The following CLSTN2 variants were observed in gnomAD, a reference collection of about 807,000 sequenced individuals.
CLSTN2 encodes calsyntenin 2.
Under a neutral mutation model 101.2 loss-of-function variants are expected in CLSTN2, and 48 were observed. The ratio of observed to expected loss-of-function variants is 0.47; its 90% CI spans 0.38 to 0.60. CLSTN2 has a LOEUF of 0.60. CLSTN2 is among the 20% of genes least tolerant of loss of function. The probability of loss-of-function intolerance (pLI) is 0.00; values close to 1 mark genes in which losing one functional copy is unlikely to be tolerated. For synonymous variants in CLSTN2, 481 were observed against 463.6 expected, an observed-to-expected ratio of 1.04 and a Z score of -0.48; for missense variants, 1,160 against 1,238.2, an observed-to-expected ratio of 0.94 and a Z score of 0.95.
rs1211350093 is a variant in CLSTN2, at chr3:139,935,390, C to T, written c.16C>T (p.Leu6=). ...TGCTGCGAGGATGCTGCCTGGGCGG[C>T]TGTGCTGGGTGCCGCTCCTGCTGGC... MLPGR[L]CWVPLLLALG... is the part of the protein sequence containing the mutation. The change falls in exon 1 of 17, where the codon CTG becomes TTG. Residue 6 remains leucine, a synonymous_variant. Coordinates refer to ENST00000458420, the MANE Select transcript of CLSTN2 (RefSeq NM_022131.3). The surrounding 1 kb of genome is among the most constrained non-coding windows in gnomAD (Gnocchi z 5.5). 2 of 1,229,836 alleles carry T rather than the reference C, an allele frequency of 1.6e-6. No homozygotes were observed. The highest frequency in any genetic ancestry group is 2.0e-6 in the Non-Finnish European group (2 of 986,430). The allele number at this position is 1,229,836 out of a possible 1,614,324, so 76.2% of individuals were successfully genotyped here. A position where few individuals can be genotyped will look rare whatever the true frequency, so the allele number is the denominator to read the frequency against.
intron 8 of CLSTN2, among the ~76,000 whole-genome samples, chr3:140,510,741 G>A (rs1042132205): frequency 3.3e-5 from 5 of 152,204 alleles, no homozygotes; most frequent in Non-Finnish European, 7.3e-5. Flanking sequence ...TGCCAGTTTG[G>A]AAGTGCAGGC....
chr3:140,183,181 T>G (rs1022014127), intron 2 of CLSTN2, among the ~76,000 whole-genome samples: 1 of 152,186 alleles, frequency 6.6e-6, no homozygotes, highest in Admixed American at 6.5e-5. Flanking sequence ...AGAAGACTAT[T>G]GATAGATCCT....
chr3:140,411,946 G>C (rs1052231887), intron 4 of CLSTN2, among the ~76,000 whole-genome samples: 5 of 152,204 alleles, frequency 3.3e-5, no homozygotes, highest in Non-Finnish European at 5.9e-5. Flanking sequence ...GAGAAAAACA[G>C]ACCAATGGGC....
chr3:140,072,908 G>A (rs192653067), intron 1 of CLSTN2, among the ~76,000 whole-genome samples: 2 of 152,148 alleles, frequency 1.3e-5, no homozygotes, highest in South Asian at 2.1e-4. Flanking sequence ...AGACTGCTAC[G>A]GAGATTGTTT....
At position 140,457,876 on chromosome 3, in the gene CLSTN2, C is replaced by T. The variant is rs148944605; in HGVS notation, c.974-1645C>T. On this transcript the variant is annotated intron_variant, in intron 6 of 16. Coordinates refer to ENST00000458420, the MANE Select transcript of CLSTN2 (RefSeq NM_022131.3). The stretch of plus-strand genomic sequence containing the variant: ...ACTTCCCTTTGATACATACAAACTA[C>T]AGCATGAGCATGAATTGGGAGATTT... Among the ~76,000 whole-genome samples the T allele has an allele frequency of 3.4e-3, 522 of 152,340 alleles. 3 individuals are homozygous for T. The highest frequency in any genetic ancestry group is 0.012 in the African/African-American group (499 of 41,590).
intron 5 of CLSTN2, among the ~76,000 whole-genome samples, chr3:140,447,741 C>T (rs551220061): frequency 5.3e-5 from 8 of 152,174 alleles, no homozygotes; most frequent in South Asian, 2.1e-4. Context: ...AAAATGACCA[C>T]GTGAGGCAAA....
chr3:140,468,627 G>A (rs1353699319), intron 8 of CLSTN2, among the ~76,000 whole-genome samples: 1 of 152,226 alleles, frequency 6.6e-6, no homozygotes, highest in Non-Finnish European at 1.5e-5. Flanking sequence ...CCTTCCTGGT[G>A]GCTAATGTGT....
intron 1 of CLSTN2, among the ~76,000 whole-genome samples, chr3:139,986,589 C>G (rs1449623317): frequency 6.6e-6 from 1 of 152,192 alleles, no homozygotes; most frequent in Non-Finnish European, 1.5e-5. Context: ...TTTCCGTTCT[C>G]CTTCCACCCA....
Position 140,126,471 on chromosome 3 carries a change from A to C in CLSTN2, c.110-49480A>C, listed in dbSNP as rs78882564. Among the ~76,000 whole-genome samples, 1,383 of 152,270 alleles carry C rather than the reference A, an allele frequency of 9.1e-3. 23 individuals carry two copies. Among genetic ancestry groups the C allele is most frequent in the African/African-American group, 0.032 (1,318 of 41,550 alleles). Reference sequence around the variant, plus strand: ...AGAGTTTTGCACATACTTGTGCAAAAAAAGCCCTAAGGGACCTCTAGGTTT... The same window carrying C: ...AGAGTTTTGCACATACTTGTGCAAACAAAGCCCTAAGGGACCTCTAGGTTT... On this transcript the variant is annotated intron_variant, in intron 1 of 16. Coordinates refer to ENST00000458420, the MANE Select transcript of CLSTN2 (RefSeq NM_022131.3).
chr3:139,992,303 A>C (rs955618844), intron 1 of CLSTN2, among the ~76,000 whole-genome samples: 1 of 152,200 alleles, frequency 6.6e-6, no homozygotes. Flanking sequence ...GGAGAAGAGT[A>C]AAATATAGTC....
rs570029704 is a variant in CLSTN2, at chr3:140,356,278, G to C, written c.233-47351G>C. Reference sequence around the variant, plus strand: ...GCAGAAAGCAGAACGTGTGCTGGGAGTCAGCAGAGCAGAGATCACCCCATT... The same window carrying C: ...GCAGAAAGCAGAACGTGTGCTGGGACTCAGCAGAGCAGAGATCACCCCATT... On this transcript the variant is annotated intron_variant, in intron 2 of 16. Transcript: ENST00000458420. 2.0e-4 allele frequency among the ~76,000 whole-genome samples: 30 copies of C among 152,284 alleles called. No individual in the cohort carries two copies. The East Asian group carries it at 2.7e-3, about 14-fold the overall frequency.
intron 2 of CLSTN2, among the ~76,000 whole-genome samples, chr3:140,352,022 A>G (rs754696704): frequency 8.5e-5 from 13 of 152,200 alleles, no homozygotes; most frequent in Non-Finnish European, 1.6e-4. Flanking sequence ...ATACCTTGGC[A>G]AGAAAATGAG....
At chr3:140,493,319 G>A (rs1354210616) in intron 8 of CLSTN2, among the ~76,000 whole-genome samples, 1 of 152,158 alleles carries the variant, frequency 6.6e-6, no homozygotes, top group Non-Finnish European at 1.5e-5. Context: ...AGAGGGTTGG[G>A]GCAAGGCTTT....
chr3:140,460,890 T>C (rs1325243992), intron 7 of CLSTN2: 1 of 152,238 alleles, frequency 6.6e-6, no homozygotes, highest in Non-Finnish European at 1.5e-5. Flanking sequence ...CCTCTGCTAT[T>C]GGACAGCCAA....
chr3:139,978,354 C>T (rs1322039675), intron 1 of CLSTN2, among the ~76,000 whole-genome samples: 1 of 152,088 alleles, frequency 6.6e-6, no homozygotes, highest in African/African-American at 2.4e-5. Flanking sequence ...TATGTGAGAG[C>T]GTGGGACAGA....
intron 10 of CLSTN2, among the ~76,000 whole-genome samples, chr3:140,553,070 C>T (rs1003009891): frequency 2.6e-5 from 4 of 152,216 alleles, no homozygotes; most frequent in Non-Finnish European, 5.9e-5. Flanking sequence ...CCAACTCAGA[C>T]ACTGACTGTG....
At chr3:140,230,518 A>G (rs568668512) in intron 2 of CLSTN2, among the ~76,000 whole-genome samples, 110 of 152,302 alleles carry the variant, frequency 7.2e-4, no homozygotes, top group African/African-American at 2.6e-3. Context: ...TTAGGCCATA[A>G]GGGCAGAGCC....
chr3:140,475,277 G>C (rs1374748589), intron 8 of CLSTN2, among the ~76,000 whole-genome samples: 2 of 152,210 alleles, frequency 1.3e-5, no homozygotes, highest in Non-Finnish European at 2.9e-5. Flanking sequence ...GTGCAGATCA[G>C]TGTTGCCCAA....
intron 2 of CLSTN2, among the ~76,000 whole-genome samples, chr3:140,268,977 C>T (rs188320810): frequency 3.3e-5 from 5 of 152,256 alleles, no homozygotes; most frequent in Admixed American, 2.6e-4. Context: ...TATTGTTATT[C>T]AGTAGAGATT....
Sources: allele counts gnomAD v4.1 joint callset (sites outside exome capture counted in the v4.1 genomes callset), GRCh38; gene constraint gnomAD v4.1.1; non-coding constraint Gnocchi (gnomAD v3.1); transcripts MANE v1.5; gene names NCBI Gene and HGNC (gene_info 2026-07-23, HGNC 2026-07-21).